FBXW7: variants seen among roughly 807,000 people sequenced by gnomAD.
The protein encoded by FBXW7 is F-box/WD repeat-containing protein 7.
A neutral mutation model predicts 86.3 loss-of-function variants in FBXW7; 11 were observed. The ratio of observed to expected loss-of-function variants is 0.13; its 90% CI spans 0.08 to 0.21. The LOEUF (loss-of-function observed/expected upper bound fraction) is 0.21. FBXW7 is among the 10% of genes least tolerant of loss of function. FBXW7 has a pLI of 1.00. For missense variants in FBXW7, 488 were observed against 847.4 expected, an observed-to-expected ratio of 0.58 and a Z score of 5.27; for synonymous variants, 313 against 297.9, an observed-to-expected ratio of 1.05 and a Z score of -0.52.
intron 4 of FBXW7, among the ~76,000 whole-genome samples, chr4:152,364,909 C>T (rs1471304290): frequency 2.0e-5 from 3 of 152,174 alleles, no homozygotes; most frequent in Non-Finnish European, 4.4e-5. Flanking sequence ...CAGTCTGCCA[C>T]AGATACTCCC....
chr4:152,510,626 CT>C, intron 2 of FBXW7, among the ~76,000 whole-genome samples: 1 of 151,962 alleles, frequency 6.6e-6, no homozygotes. Context: ...CTTTTCATAA[CT>C]AAAAACATAT....
intron 4 of FBXW7, among the ~76,000 whole-genome samples, chr4:152,406,652 G>A (rs972937318): frequency 9.2e-5 from 14 of 152,146 alleles, no homozygotes; most frequent in African/African-American, 3.4e-4. Context: ...AGAAAGTCTA[G>A]AGAAATTGAC....
chr4:152,514,459 G>A (rs1312276748), intron 2 of FBXW7, among the ~76,000 whole-genome samples: 2 of 152,176 alleles, frequency 1.3e-5, no homozygotes, highest in East Asian at 3.8e-4. Flanking sequence ...GGGGAGGTAT[G>A]TTCTCTAGGG....
chr4:152,492,746 G>C (rs551130010), intron 2 of FBXW7, among the ~76,000 whole-genome samples: 10 of 152,240 alleles, frequency 6.6e-5, no homozygotes, highest in Admixed American at 6.5e-4. Context: ...TGGACCAAGA[G>C]GCCGTGCTTT....
At chr4:152,376,344 T>A (rs1734518137) in intron 4 of FBXW7, among the ~76,000 whole-genome samples, 1 of 152,104 alleles carries the variant, frequency 6.6e-6, no homozygotes, top group African/African-American at 2.4e-5. Context: ...TGGGTATGTA[T>A]AAAATCTTCA....
At chr4:152,393,868 A>G (rs1303346525) in intron 4 of FBXW7, among the ~76,000 whole-genome samples, 1 of 152,120 alleles carries the variant, frequency 6.6e-6, no homozygotes. Context: ...CGTTTGAATA[A>G]AACAGACCCT....
chr4:152,382,746 T>C (rs971861786), intron 4 of FBXW7, among the ~76,000 whole-genome samples: 1 of 151,832 alleles, frequency 6.6e-6, no homozygotes, highest in African/African-American at 2.4e-5. Flanking sequence ...AAAAATAAAA[T>C]AAAAAAAACA....
intron 4 of FBXW7, among the ~76,000 whole-genome samples, chr4:152,400,686 C>T (rs1308712204): frequency 6.6e-6 from 1 of 152,104 alleles, no homozygotes; most frequent in African/African-American, 2.4e-5. Context: ...ATACTAACAG[C>T]ATGATACATG....
chr4:152,521,938 G>C (rs1487928071), intron 2 of FBXW7, among the ~76,000 whole-genome samples: 1 of 147,312 alleles, frequency 6.8e-6, no homozygotes, highest in African/African-American at 2.5e-5. Context: ...CCCTACCTCA[G>C]CCTCCCCAGT....
chr4:152,522,748 T>A (rs769352220), intron 2 of FBXW7, among the ~76,000 whole-genome samples: 1 of 152,224 alleles, frequency 6.6e-6, no homozygotes, highest in Non-Finnish European at 1.5e-5. Context: ...GAGCTTCTCA[T>A]TTACTTCGTT....
At chr4:152,481,839 T>C (rs948205203) in intron 2 of FBXW7, among the ~76,000 whole-genome samples, 5 of 152,226 alleles carry the variant, frequency 3.3e-5, no homozygotes, top group African/African-American at 7.2e-5. Context: ...TTGCTTCTTA[T>C]AAAAAAGAGC....
chr4:152,482,247 A>C (rs1419868803), intron 2 of FBXW7, among the ~76,000 whole-genome samples: 2 of 152,226 alleles, frequency 1.3e-5, no homozygotes, highest in African/African-American at 4.8e-5. Context: ...ATTTTTAGCA[A>C]TAAAGTATTT....
chr4:152,439,518 G>A (rs1740688661), intron 2 of FBXW7, among the ~76,000 whole-genome samples: 1 of 152,130 alleles, frequency 6.6e-6, no homozygotes, highest in East Asian at 1.9e-4. Flanking sequence ...CAGAGCTTCA[G>A]GTTTTCTTCA....
intron 2 of FBXW7, among the ~76,000 whole-genome samples, chr4:152,494,472 T>C (rs1184616917): frequency 6.6e-6 from 1 of 152,098 alleles, no homozygotes; most frequent in African/African-American, 2.4e-5. Flanking sequence ...GAATTTATAA[T>C]TTTTTTTAAA....
intron 2 of FBXW7, among the ~76,000 whole-genome samples, chr4:152,522,738 G>C (rs553792613): frequency 1.3e-5 from 2 of 152,086 alleles, no homozygotes; most frequent in Non-Finnish European, 2.9e-5. Context: ...GCACTGTTTC[G>C]AGCTTCTCAT....
chr4:152,367,910 T>C (rs748959210), intron 4 of FBXW7, among the ~76,000 whole-genome samples: 13 of 151,530 alleles, frequency 8.6e-5, no homozygotes, highest in African/African-American at 1.9e-4. Flanking sequence ...AGAAAAAACA[T>C]ACTAATATAA....
intron 4 of FBXW7, among the ~76,000 whole-genome samples, chr4:152,409,165 A>G (rs1186461179): frequency 6.6e-6 from 1 of 152,186 alleles, no homozygotes; most frequent in Non-Finnish European, 1.5e-5. Context: ...CTAGCTGTCC[A>G]CAGGGTTTGT....
At chr4:152,490,564 GA>G (rs1426364850) in intron 2 of FBXW7, among the ~76,000 whole-genome samples, 2 of 152,008 alleles carry the variant, frequency 1.3e-5, no homozygotes, top group African/African-American at 4.8e-5. Flanking sequence ...ACAGAGCTAG[GA>G]AATATTGGGC....
At chr4:152,520,343 G>A (rs1748898004) in intron 2 of FBXW7, among the ~76,000 whole-genome samples, 1 of 150,660 alleles carries the variant, frequency 6.6e-6, no homozygotes, top group African/African-American at 2.4e-5. Context: ...TGAGGCAGGA[G>A]AATGGCGTGA....
Sources: gnomAD v4.1 joint callset for allele counts (sites outside exome capture counted in the v4.1 genomes callset) on GRCh38, gnomAD v4.1.1 for gene constraint, MANE v1.5 for transcripts, NCBI Gene and HGNC (gene_info 2026-07-23, HGNC 2026-07-21) for gene names.